CSRP2: variants seen among roughly 807,000 people sequenced by gnomAD.
CSRP2 encodes the protein cysteine and glycine rich protein 2, also known as cysteine and glycine-rich protein 2.
CSRP2 carries 18 observed loss-of-function variants against 24.6 expected under a neutral mutation model. The ratio of observed to expected loss-of-function variants is 0.73; its 90% confidence interval spans 0.51 to 1.09. The LOEUF is 1.09. Among genes scored for constraint, CSRP2 ranks in the 50% least tolerant of loss-of-function variants. The pLI, the probability that CSRP2 is intolerant of heterozygous loss-of-function variation, is 0.00. For missense variants in CSRP2, 215 were observed against 239.4 expected, an observed-to-expected ratio of 0.90 and a Z score of 0.67; for synonymous variants, 87 against 84.3, an observed-to-expected ratio of 1.03 and a Z score of -0.18.
intron 4 of CSRP2, 123 bp downstream of exon 4, chr12:76,860,160 AG>A (rs1256626537): frequency 4.9e-6 from 5 of 1,029,236 alleles, no homozygotes; most frequent in Non-Finnish European, 5.5e-6. Flanking sequence ...ATGCATTTAA[AG>A]AAAAGTTTCA....
chr12:76,877,722 A>G (rs1260539509), intron 1 of CSRP2, among the ~76,000 whole-genome samples: 1 of 152,208 alleles, frequency 6.6e-6, no homozygotes, highest in African/African-American at 2.4e-5. Flanking sequence ...TTAGTACTTC[A>G]CAACATTCTT....
At chr12:76,869,535 C>G (rs1953772293) in intron 1 of CSRP2, among the ~76,000 whole-genome samples, 1 of 94,326 alleles carries the variant, frequency 1.1e-5, no homozygotes, top group East Asian at 2.4e-4. Context: ...AAACAACACA[C>G]ACACACACAC....
chr12:76,862,825 C>A (rs1417329355), intron 3 of CSRP2: 2 of 1,504,022 alleles, frequency 1.3e-6, no homozygotes, highest in Non-Finnish European at 1.8e-6. Context: ...ACATGAGAAA[C>A]ACCTCTCATG....
chr12:76,871,002 T>C (rs199827364), intron 1 of CSRP2, among the ~76,000 whole-genome samples: 1 of 90,186 alleles, frequency 1.1e-5, no homozygotes, highest in Non-Finnish European at 2.4e-5. Flanking sequence ...AAAAAAAAAG[T>C]GGATGGTGAT....
At chr12:76,877,267 A>G (rs1206196464) in intron 1 of CSRP2, among the ~76,000 whole-genome samples, 1 of 152,204 alleles carries the variant, frequency 6.6e-6, no homozygotes, top group Non-Finnish European at 1.5e-5. Context: ...TTTTAGGATA[A>G]AATTCAATCT....
chr12:76,860,940 G>T (rs1953670322), intron 3 of CSRP2: 1 of 152,180 alleles, frequency 6.6e-6, no homozygotes, highest in African/African-American at 2.4e-5. Context: ...TTGAATAAAG[G>T]AAAGTGTGAA....
At chr12:76,872,675 A>G (rs1013189370) in intron 1 of CSRP2, among the ~76,000 whole-genome samples, 20 of 152,218 alleles carry the variant, frequency 1.3e-4, no homozygotes, top group African/African-American at 4.6e-4. Context: ...CCTAAGCCCT[A>G]TGTAAATCAG....
At chr12:76,863,434 G>A in intron 2 of CSRP2, 90 bp from the exon 3 acceptor site, 1 of 1,338,422 alleles carries the variant, frequency 7.5e-7, no homozygotes, top group Non-Finnish European at 1.0e-6. Flanking sequence ...CCTACAAATG[G>A]TGAAGGCTGA....
chr12:76,874,269 G>A (rs1044788227), intron 1 of CSRP2, among the ~76,000 whole-genome samples: 2 of 152,188 alleles, frequency 1.3e-5, no homozygotes, highest in African/African-American at 4.8e-5. Context: ...TTTTGCCATG[G>A]AAATACCGCA....
At chr12:76,868,222 C>A (rs1217799604) in intron 1 of CSRP2, among the ~76,000 whole-genome samples, 2 of 152,134 alleles carry the variant, frequency 1.3e-5, no homozygotes, top group Admixed American at 6.6e-5. Context: ...TCCTGTTGAA[C>A]AGAGTCATCA....
intron 1 of CSRP2, among the ~76,000 whole-genome samples, chr12:76,870,871 G>A (rs1476063874): frequency 6.7e-6 from 1 of 150,228 alleles, no homozygotes; most frequent in East Asian, 2.0e-4. Context: ...TACTTGGGAG[G>A]CTGAAGTGGG....
Position 76,858,955 on chromosome 12 carries a change from C to T in CSRP2, c.579G>A (p.Gln193=). ...GQGAGALVHA[Q] is the part of the protein sequence containing the mutation. ...TGTTTAGTTCAGGGTTTACATCTTACTGGGCATGAACAAGAGCCCCTGCTC... is the reference window on the plus strand; with the variant it reads ...TGTTTAGTTCAGGGTTTACATCTTATTGGGCATGAACAAGAGCCCCTGCTC... Residue 193 remains glutamine (Q), a synonymous_variant, in exon 6 of 6, where the codon CAG becomes CAA. Transcript: ENST00000311083. The T allele has an allele frequency of 6.2e-7, 1 of 1,613,820 alleles. No homozygotes were observed. The highest frequency in any genetic ancestry group is 8.5e-7 in the Non-Finnish European group (1 of 1,179,670).
rs375970510 is a variant in CSRP2, at chr12:76,871,265, G to C, written c.-1-5004C>G. Among the ~76,000 whole-genome samples, 20 of 152,306 alleles carry C rather than the reference G, an allele frequency of 1.3e-4. No individual in the cohort carries two copies. In the East Asian group the frequency reaches 1.7e-3, roughly 13 times the overall value. ...GCAGGAATCCAGTAGCTGTCAGCTT[G>C]AAGACAGAGGGGACATCTCACTCTA... On this transcript the variant is annotated intron_variant, in intron 1 of 5. Transcript: ENST00000311083.
intron 2 of CSRP2, chr12:76,863,888 C>G (rs1265118380): frequency 2.6e-5 from 4 of 152,228 alleles, no homozygotes; most frequent in Admixed American, 2.6e-4. Flanking sequence ...TTTCCTCCCC[C>G]AAAAGCACCT....
rs554164304 is a variant in CSRP2, at chr12:76,874,161, T to A, written c.-2+4777A>T. ...TCACAGGCATGACAAAACAGTTTCA[T>A]CTTGCAGATCCACTGAGAGTGGATT... is the stretch of plus-strand genomic sequence containing the variant. On this transcript the variant is annotated intron_variant, in intron 1 of 5. Coordinates refer to ENST00000311083, the MANE Select transcript of CSRP2 (RefSeq NM_001321.3). 2.6e-5 allele frequency among the ~76,000 whole-genome samples: 4 copies of A among 152,354 alleles called. No individual in the cohort carries two copies. The East Asian group carries it at 7.7e-4, about 29-fold the overall frequency.
At chr12:76,871,381 T>G (rs1470846014) in intron 1 of CSRP2, among the ~76,000 whole-genome samples, 1 of 152,172 alleles carries the variant, frequency 6.6e-6, no homozygotes, top group African/African-American at 2.4e-5. Context: ...AGGACAAAAC[T>G]GAGCTGATTG....
chr12:76,864,446 T>C (rs1328232689), intron 2 of CSRP2: 2 of 152,242 alleles, frequency 1.3e-5, no homozygotes, highest in East Asian at 1.9e-4. Flanking sequence ...TCAACAATCA[T>C]TGTACATTTA....
At chr12:76,871,788 A>C (rs1953803262) in intron 1 of CSRP2, among the ~76,000 whole-genome samples, 8 of 151,614 alleles carry the variant, frequency 5.3e-5, no homozygotes, top group Admixed American at 5.3e-4. Flanking sequence ...AAGAAAAGAA[A>C]CGAAGTTCAA....
intron 5 of CSRP2, 91 bp downstream of exon 5, chr12:76,859,453 TTTC>T (rs1168183414): frequency 1.5e-5 from 12 of 794,552 alleles, no homozygotes; most frequent in South Asian, 6.1e-5. Context: ...GTGGCATACT[TTTC>T]TTTTTTTTTT....
Sources: gnomAD v4.1 joint callset for allele counts (sites outside exome capture counted in the v4.1 genomes callset) on GRCh38, gnomAD v4.1.1 for gene constraint, MANE v1.5 for transcripts, NCBI Gene and HGNC (gene_info 2026-07-23, HGNC 2026-07-21) for gene names.